Variants in KIAA0930 observed in about 807,000 individuals in gnomAD.
KIAA0930 encodes the protein KIAA0930.
A neutral mutation model predicts 43.9 loss-of-function variants in KIAA0930; 24 were observed. The observed-to-expected ratio is 0.55, with a 90% CI of 0.40 to 0.77. The LOEUF (loss-of-function observed/expected upper bound fraction) is 0.77. KIAA0930 is among the 30% of genes least tolerant of loss of function. The pLI is 0.00. For missense variants in KIAA0930, 461 were observed against 574.2 expected (o/e 0.80, Z 2.02); for synonymous variants, 259 against 216.4 (o/e 1.20, Z -1.73).
chr22:45,219,814 T>C (rs9614618), intron 1 of KIAA0930, among the ~76,000 whole-genome samples: 113,513 of 151,756 alleles, frequency 0.75, 42,546 homozygotes, highest in East Asian at 0.9. Flanking sequence ...TGGTCTTGAG[T>C]GCCTGAGCTC....
At chr22:45,225,811 C>G (rs1477084798) in intron 1 of KIAA0930, among the ~76,000 whole-genome samples, 1 of 152,252 alleles carries the variant, frequency 6.6e-6, no homozygotes, top group East Asian at 1.9e-4. Flanking sequence ...ACGGCATTGC[C>G]TCACTTGATC....
At chr22:45,226,116 T>G (rs2083798491) in intron 1 of KIAA0930, 6 of 394,024 alleles carry the variant, frequency 1.5e-5, no homozygotes, top group South Asian at 1.1e-4. Flanking sequence ...CTGTCCTCGG[T>G]GCGTTCAGAG....
chr22:45,199,813 G>T (rs1407098627), intron 8 of KIAA0930, 60 bp downstream of exon 8: 1 of 1,373,582 alleles, frequency 7.3e-7, no homozygotes. Context: ...TGAATGACTG[G>T]TCTGGATCAA....
intron 1 of KIAA0930, among the ~76,000 whole-genome samples, chr22:45,229,129 A>G (rs1260593732): frequency 2.2e-4 from 3 of 13,450 alleles, no homozygotes; most frequent in Non-Finnish European, 1.5e-4. Flanking sequence ...CCACCCCCCA[A>G]CCACCAAACA....
intron 2 of KIAA0930, among the ~76,000 whole-genome samples, chr22:45,208,727 A>G (rs1388665322): frequency 6.6e-6 from 1 of 152,228 alleles, no homozygotes. Flanking sequence ...GTTTTTCTGT[A>G]TAGACGTTAT....
rs542697465 is a variant in KIAA0930 at position 45,214,669 on chromosome 22, G to T, written c.65-2562C>A. Reference sequence around the variant, plus strand: ...CATACCTGTAATCCCAGCACTTTGGGAGGCCAAGGCGGAAAGACTGCTTTA... The same window carrying T: ...CATACCTGTAATCCCAGCACTTTGGTAGGCCAAGGCGGAAAGACTGCTTTA... On this transcript the variant is annotated intron_variant, in intron 1 of 9. Transcript: ENST00000336156. Among the ~76,000 whole-genome samples, 3 of 152,252 alleles carry T rather than the reference G, an allele frequency of 2.0e-5. No homozygotes were observed. In the East Asian group the frequency reaches 5.8e-4, roughly 29 times the overall value.
chr22:45,200,927 G>T (rs376423033), intron 7 of KIAA0930: 2 of 484,774 alleles, frequency 4.1e-6, no homozygotes, highest in Non-Finnish European at 8.6e-6. Context: ...GCTGGAGCTG[G>T]GTCTTGAAGG....
intron 1 of KIAA0930, among the ~76,000 whole-genome samples, chr22:45,218,852 T>C (rs1163410262): frequency 6.6e-6 from 1 of 152,032 alleles, no homozygotes; most frequent in African/African-American, 2.4e-5. Flanking sequence ...CCCAGCGGGG[T>C]GGGCTCACAG....
chr22:45,197,775 A>G lies in KIAA0930; in HGVS notation c.1174+15T>C. On this transcript the variant is annotated intron_variant, in intron 9 of 9. Coordinates refer to ENST00000336156, the MANE Select transcript of KIAA0930 (RefSeq NM_001009880.2). ...TGAGAAGGTGCGGCTGCTTCCCCAC[A>G]TCCGCCAGCATTACCTGTTAAAATC... 3.7e-6 allele frequency: 6 copies of G among 1,613,452 alleles called. No individual in the cohort carries two copies. Among genetic ancestry groups the G allele is most frequent in the Non-Finnish European group, 5.1e-6 (6 of 1,179,460 alleles).
At chr22:45,203,276 C>T (rs1480563187) in intron 6 of KIAA0930, 92 bp from the exon 7 acceptor site, 13 of 1,329,794 alleles carry the variant, frequency 9.8e-6, no homozygotes, top group Non-Finnish European at 1.2e-5. Flanking sequence ...GGCGACCATC[C>T]CTCAAGGAGC....
chr22:45,209,838 C>T (rs1187590102), intron 2 of KIAA0930, among the ~76,000 whole-genome samples: 1 of 152,200 alleles, frequency 6.6e-6, no homozygotes, highest in Non-Finnish European at 1.5e-5. Flanking sequence ...GGGACTCAGG[C>T]TTCCCTCACT....
chr22:45,197,585 G>A (rs1442764224), intron 9 of KIAA0930, among the ~76,000 whole-genome samples: 1 of 152,198 alleles, frequency 6.6e-6, no homozygotes, highest in Non-Finnish European at 1.5e-5. Flanking sequence ...GCGCCAGAAA[G>A]GTGAACAAAG....
At chr22:45,201,348 T>TC (rs2147736490) in intron 7 of KIAA0930, among the ~76,000 whole-genome samples, 1 of 152,262 alleles carries the variant, frequency 6.6e-6, no homozygotes, top group East Asian at 1.9e-4. Flanking sequence ...TCCTCCTGAA[T>TC]CCCAGGGCTG....
At chr22:45,208,791 C>T (rs779729784) in intron 2 of KIAA0930, among the ~76,000 whole-genome samples, 4 of 152,224 alleles carry the variant, frequency 2.6e-5, no homozygotes, top group Non-Finnish European at 4.4e-5. Flanking sequence ...AGGGCTTCGC[C>T]GCTGGCAAAC....
At chr22:45,223,715 G>A (rs527441109) in intron 1 of KIAA0930, among the ~76,000 whole-genome samples, 2 of 150,466 alleles carry the variant, frequency 1.3e-5, no homozygotes, top group South Asian at 4.2e-4. Context: ...TAGCACCCAG[G>A]AACAGCACCA....
chr22:45,229,359 C>CCA (rs2083836753), intron 1 of KIAA0930, among the ~76,000 whole-genome samples: 2 of 151,140 alleles, frequency 1.3e-5, no homozygotes, highest in Admixed American at 6.6e-5. Flanking sequence ...TCTCCACTCC[C>CCA]CCATCACCAA....
At position 45,203,844 on chromosome 22, in the gene KIAA0930, C is replaced by G. The variant is rs1243316582; in HGVS notation, c.657+1G>C. The G allele has an allele frequency of 1.9e-6, 3 of 1,613,730 alleles. No individual in the cohort carries two copies. Among genetic ancestry groups the G allele is most frequent in the African/African-American group, 1.3e-5 (1 of 74,926 alleles). On this transcript the variant is annotated splice_donor_variant, in intron 6 of 9. Coordinates refer to ENST00000336156, the MANE Select transcript of KIAA0930 (RefSeq NM_001009880.2). LOFTEE classifies it high-confidence loss of function. ...CACCCGTGAGGCCGCCCCGCACTCACCCGGTTGTCATACACCTTCTTGAGC... is the reference window on the plus strand; with the variant it reads ...CACCCGTGAGGCCGCCCCGCACTCAGCCGGTTGTCATACACCTTCTTGAGC...
At chr22:45,235,641 A>C (rs2147768836) in intron 1 of KIAA0930, among the ~76,000 whole-genome samples, 1 of 152,266 alleles carries the variant, frequency 6.6e-6, no homozygotes, top group African/African-American at 2.4e-5. Flanking sequence ...GCACTGCGCC[A>C]GGTGCTTTGT....
At chr22:45,206,197 T>C (rs2083636524) in intron 2 of KIAA0930, among the ~76,000 whole-genome samples, 1 of 152,068 alleles carries the variant, frequency 6.6e-6, no homozygotes, top group African/African-American at 2.4e-5. Context: ...TAAAACTTTT[T>C]GTAGATGTGG....
Sources: gnomAD v4.1 joint callset for allele counts (sites outside exome capture counted in the v4.1 genomes callset) on GRCh38, gnomAD v4.1.1 for gene constraint, MANE v1.5 for transcripts, NCBI Gene and HGNC (gene_info 2026-07-23, HGNC 2026-07-21) for gene names.